The following CDH18 variants were observed in gnomAD, a reference collection of about 807,000 sequenced individuals.
CDH18 encodes the protein cadherin 18, also known as cadherin-18.
Under a neutral mutation model 67.9 loss-of-function variants are expected in CDH18, and 31 were observed. The observed-to-expected ratio is 0.46, with a 90% confidence interval of 0.34 to 0.62. CDH18 has a LOEUF of 0.62. Among genes scored for constraint, CDH18 ranks in the 20% least tolerant of loss-of-function variants. The probability of loss-of-function intolerance (pLI) is 0.01; values close to 1 mark genes in which losing one functional copy is unlikely to be tolerated. For missense variants in CDH18, 890 were observed against 975.5 expected, an observed-to-expected ratio of 0.91 and a Z score of 1.17; for synonymous variants, 362 against 347.2, an observed-to-expected ratio of 1.04 and a Z score of -0.48.
intron 2 of CDH18, among the ~76,000 whole-genome samples, chr5:20,130,226 G>C (rs1463892553): frequency 6.6e-6 from 1 of 151,700 alleles, no homozygotes; most frequent in Non-Finnish European, 1.5e-5. Flanking sequence ...ACCAAAAGGT[G>C]CATGTATATA....
intron 1 of CDH18, among the ~76,000 whole-genome samples, chr5:20,540,730 G>T (rs994113248): frequency 1.3e-5 from 2 of 152,128 alleles, no homozygotes; most frequent in African/African-American, 4.8e-5. Flanking sequence ...CGAATATTTA[G>T]GATCACCAGT....
intron 3 of CDH18, among the ~76,000 whole-genome samples, chr5:19,827,027 A>AT (rs1349265947): frequency 1.3e-5 from 2 of 152,204 alleles, no homozygotes; most frequent in Admixed American, 6.5e-5. Context: ...AAGTAAGGGG[A>AT]TGGAGAAAAA....
At chr5:20,028,129 C>A (rs752270747) in intron 2 of CDH18, among the ~76,000 whole-genome samples, 1 of 150,364 alleles carries the variant, frequency 6.7e-6, no homozygotes, top group Non-Finnish European at 1.5e-5. Flanking sequence ...AACATAATTG[C>A]GGTGTTTGTC....
chr5:19,548,323 G>T (rs1024668938), intron 8 of CDH18, among the ~76,000 whole-genome samples: 1 of 151,612 alleles, frequency 6.6e-6, no homozygotes, highest in Non-Finnish European at 1.5e-5. Flanking sequence ...AAAAATTCTA[G>T]GTTACAGCTA....
intron 2 of CDH18, among the ~76,000 whole-genome samples, chr5:19,967,780 C>A (rs964526639): frequency 1.3e-5 from 2 of 152,056 alleles, no homozygotes; most frequent in African/African-American, 4.8e-5. Flanking sequence ...AAAACTGGCA[C>A]AAGACAGGGA....
intron 9 of CDH18, among the ~76,000 whole-genome samples, chr5:19,540,158 G>A (rs926195775): frequency 6.6e-6 from 1 of 152,016 alleles, no homozygotes; most frequent in Non-Finnish European, 1.5e-5. Context: ...CGAAACAAAG[G>A]GGCTACAGGT....
chr5:20,304,026 C>G, intron 1 of CDH18: 1 of 1,434,316 alleles, frequency 7.0e-7, no homozygotes, highest in Non-Finnish European at 9.8e-7. Flanking sequence ...GCAATAATTC[C>G]GCAGCCGACT....
At chr5:19,526,875 C>T (rs1747823066) in intron 9 of CDH18, among the ~76,000 whole-genome samples, 1 of 151,920 alleles carries the variant, frequency 6.6e-6, no homozygotes, top group African/African-American at 2.4e-5. Flanking sequence ...GACTTATCTA[C>T]TACTATAATA....
At chr5:19,494,074 A>G (rs1358692263) in intron 11 of CDH18, among the ~76,000 whole-genome samples, 3 of 152,160 alleles carry the variant, frequency 2.0e-5, no homozygotes, top group East Asian at 1.9e-4. Flanking sequence ...GAGTATTTTG[A>G]CACTATCTAC....
At chr5:20,522,790 T>G (rs933223457) in intron 1 of CDH18, among the ~76,000 whole-genome samples, 2 of 152,210 alleles carry the variant, frequency 1.3e-5, no homozygotes, top group South Asian at 2.1e-4. Flanking sequence ...CAATTCTAAT[T>G]CTTGATTTAA....
intron 2 of CDH18, among the ~76,000 whole-genome samples, chr5:20,097,329 G>A (rs1746074463): frequency 6.6e-6 from 1 of 152,096 alleles, no homozygotes; most frequent in African/African-American, 2.4e-5. Flanking sequence ...GGCTGGGGAG[G>A]CCTCATAATC....
chr5:19,927,836 C>T (rs1418090680), intron 2 of CDH18, among the ~76,000 whole-genome samples: 5 of 152,086 alleles, frequency 3.3e-5, no homozygotes, highest in Non-Finnish European at 5.9e-5. Context: ...AGGGAGCTTG[C>T]AAGTAAATTG....
At chr5:20,210,376 T>C (rs544555216) in intron 2 of CDH18, among the ~76,000 whole-genome samples, 10 of 151,984 alleles carry the variant, frequency 6.6e-5, no homozygotes, top group African/African-American at 2.4e-4. Flanking sequence ...TTCAGAGTTA[T>C]GTATTTCATC....
At chr5:19,704,068 T>C (rs1258559410) in intron 5 of CDH18, among the ~76,000 whole-genome samples, 1 of 152,076 alleles carries the variant, frequency 6.6e-6, no homozygotes, top group South Asian at 2.1e-4. Context: ...GTGTCATATG[T>C]GGAAATCAGA....
chr5:20,030,683 G>A (rs572901346), intron 2 of CDH18, among the ~76,000 whole-genome samples: 2 of 152,228 alleles, frequency 1.3e-5, no homozygotes, highest in Non-Finnish European at 2.9e-5. Context: ...ACTCAGATGT[G>A]AATGGCCAAA....
intron 1 of CDH18, among the ~76,000 whole-genome samples, chr5:20,501,161 A>G (rs1754224123): frequency 6.6e-6 from 1 of 152,026 alleles, no homozygotes; most frequent in Admixed American, 6.6e-5. Context: ...GGTTGTTTAA[A>G]TACTTTAAGG....
chr5:19,947,585 C>CAAA (rs35601486), intron 2 of CDH18, among the ~76,000 whole-genome samples: 3 of 53,294 alleles, frequency 5.6e-5, no homozygotes, highest in Non-Finnish European at 1.3e-4. Context: ...TACTAAAATA[C>CAAA]AAAAAAAAAA....
chr5:19,809,408 G>A (rs1176870190), intron 3 of CDH18, among the ~76,000 whole-genome samples: 1 of 152,116 alleles, frequency 6.6e-6, no homozygotes, highest in African/African-American at 2.4e-5. Flanking sequence ...TCTGAAGAAA[G>A]CCAAAACACT....
chr5:19,947,415 C>T (rs1795369963), intron 2 of CDH18, among the ~76,000 whole-genome samples: 1 of 151,420 alleles, frequency 6.6e-6, no homozygotes, highest in Admixed American at 6.6e-5. Context: ...TAGGCATGAT[C>T]CATAATAGAA....
Sources: gnomAD v4.1 joint callset for allele counts (sites outside exome capture counted in the v4.1 genomes callset) on GRCh38, gnomAD v4.1.1 for gene constraint, MANE v1.5 for transcripts, NCBI Gene and HGNC (gene_info 2026-07-23, HGNC 2026-07-21) for gene names.